CSNK1G1: variants seen among roughly 807,000 people sequenced by gnomAD.
The protein encoded by CSNK1G1 is casein kinase I isoform gamma-1.
Under a neutral mutation model 59.6 loss-of-function variants are expected in CSNK1G1, and 22 were observed. That is an observed-to-expected ratio of 0.37 (90% confidence interval 0.26 to 0.53). The LOEUF (loss-of-function observed/expected upper bound fraction) is 0.53, where lower values mean the gene tolerates loss of function less well. Among genes scored for constraint, CSNK1G1 ranks in the 20% least tolerant of loss-of-function variants. The pLI is 0.89. For synonymous variants in CSNK1G1, 179 were observed against 177.1 expected (o/e 1.01, Z -0.08); for missense variants, 384 against 519.5 (o/e 0.74, Z 2.54).
intron 10 of CSNK1G1, among the ~76,000 whole-genome samples, chr15:64,184,455 T>A (rs1275164246): frequency 6.6e-6 from 1 of 151,990 alleles, no homozygotes; most frequent in East Asian, 1.9e-4. Context: ...GACAGGTGGA[T>A]TGCCTGAGCT....
rs559484271 is a variant in CSNK1G1, at chr15:64,278,663, G to A, written c.182-19422C>T. Among the ~76,000 whole-genome samples, 43 of 152,090 alleles carry A rather than the reference G, an allele frequency of 2.8e-4. 1 individual carries two copies. The highest frequency in any genetic ancestry group is 1.0e-3 in the African/African-American group (42 of 41,512). ...AAGCTGGTGTCGAACTCCTGACCTC[G>A]TGATCTGCCCGCCTTGGCCTCCCAA... On this transcript the variant is annotated intron_variant, in intron 2 of 11. Coordinates refer to ENST00000303052, the MANE Select transcript of CSNK1G1 (RefSeq NM_022048.5).
chr15:64,190,056 G>A (rs1049515773), intron 10 of CSNK1G1, among the ~76,000 whole-genome samples: 7 of 152,160 alleles, frequency 4.6e-5, no homozygotes, highest in Admixed American at 2.0e-4. Flanking sequence ...TCCTGACCTC[G>A]TGATCCGCCT....
chr15:64,203,275 A>G, intron 9 of CSNK1G1, 86 bp from the exon 10 acceptor site: 1 of 842,092 alleles, frequency 1.2e-6, no homozygotes, highest in Non-Finnish European at 2.0e-6. Flanking sequence ...TAATTCTAAT[A>G]GAGTAGTAGT....
intron 4 of CSNK1G1, among the ~76,000 whole-genome samples, chr15:64,221,993 A>ATTTG (rs1164915344): frequency 1.4e-4 from 21 of 152,150 alleles, no homozygotes; most frequent in Admixed American, 5.2e-4. Context: ...TTACTGCAGC[A>ATTTG]CTATTTACAA....
chr15:64,283,544 G>A (rs1041875368), intron 2 of CSNK1G1, among the ~76,000 whole-genome samples: 3 of 151,764 alleles, frequency 2.0e-5, no homozygotes, highest in African/African-American at 7.3e-5. Flanking sequence ...GTTTCACCAT[G>A]TTGGCCAGGC....
Position 64,300,520 on chromosome 15 carries a change from C to G in CSNK1G1, c.-21G>C, listed in dbSNP as rs767149814. On this transcript the variant is annotated 5_prime_UTR_variant, in exon 2 of 12. Transcript: ENST00000303052. The stretch of plus-strand genomic sequence containing the variant: ...TCCATGATCCTACAGGACAGAGTCT[C>G]CTATAGTACAGCAAGTAGCTTCAGT... 1 of 1,604,230 alleles carries G rather than the reference C, an allele frequency of 6.2e-7. No individual in the cohort carries two copies. Among genetic ancestry groups the G allele is most frequent in the East Asian group, 2.2e-5 (1 of 44,742 alleles).
intron 1 of CSNK1G1, among the ~76,000 whole-genome samples, chr15:64,308,301 AT>A (rs201781625): frequency 0.02 from 3,097 of 152,036 alleles, 116 homozygotes; most frequent in African/African-American, 0.071. Context: ...GTCTCACTAT[AT>A]TGCCCAGGTT....
At chr15:64,174,426 A>C (rs1053476253) in intron 11 of CSNK1G1, among the ~76,000 whole-genome samples, 3 of 152,226 alleles carry the variant, frequency 2.0e-5, no homozygotes, top group Admixed American at 2.0e-4. Flanking sequence ...CAGGCCCCAC[A>C]ATCTGTTCTT....
At chr15:64,354,230 T>C (rs1898502970) in intron 1 of CSNK1G1, among the ~76,000 whole-genome samples, 1 of 151,968 alleles carries the variant, frequency 6.6e-6, no homozygotes, top group Non-Finnish European at 1.5e-5. Context: ...GCTTGAATCC[T>C]GGAGGTAGAG....
chr15:64,187,358 AT>A (rs371229586), intron 10 of CSNK1G1, among the ~76,000 whole-genome samples: 6,937 of 144,912 alleles, frequency 0.048, 158 homozygotes, highest in South Asian at 0.081. Flanking sequence ...GGCCTGGCTA[AT>A]TTTTTTTTTT....
At chr15:64,236,541 T>G (rs547952175) in intron 4 of CSNK1G1, among the ~76,000 whole-genome samples, 1 of 152,300 alleles carries the variant, frequency 6.6e-6, no homozygotes, top group African/African-American at 2.4e-5. Context: ...TATTAAAAAA[T>G]GTTCAACATT....
At chr15:64,205,123 T>C (rs1208544502) in intron 7 of CSNK1G1, among the ~76,000 whole-genome samples, 174 bp from the exon 8 acceptor site, 16 of 152,248 alleles carry the variant, frequency 1.1e-4, no homozygotes, top group African/African-American at 9.6e-5. Flanking sequence ...TTTAGATATA[T>C]ACAAACATCT....
At chr15:64,346,911 A>T (rs1898010078) in intron 1 of CSNK1G1, among the ~76,000 whole-genome samples, 1 of 152,244 alleles carries the variant, frequency 6.6e-6, no homozygotes, top group Non-Finnish European at 1.5e-5. Context: ...CAAAAAATAT[A>T]TCTGATTAAG....
intron 10 of CSNK1G1, chr15:64,194,256 C>T (rs2082009998): frequency 6.6e-6 from 1 of 152,062 alleles, no homozygotes; most frequent in Non-Finnish European, 1.5e-5. Context: ...TCTGCGCAAA[C>T]TTAGCCCCTT....
intron 2 of CSNK1G1, among the ~76,000 whole-genome samples, chr15:64,290,936 A>T (rs1413929272): frequency 6.6e-6 from 1 of 151,666 alleles, no homozygotes; most frequent in Non-Finnish European, 1.5e-5. Context: ...CTGGTCTCCA[A>T]CTCCTGACCT....
chr15:64,176,352 G>A lies in CSNK1G1; in HGVS notation c.1214+3996C>T, dbSNP rs139472009. 7.4e-4 allele frequency: 296 copies of A among 397,980 alleles called. No individual in the cohort carries two copies. Among genetic ancestry groups the A allele is most frequent in the African/African-American group, 5.7e-3 (276 of 48,730 alleles). 24.7% of individuals were successfully genotyped at this position (397,980 alleles called of 1,614,324 possible). ...AGAAAGAGAGAGATATTAGTCCACA[G>A]AGGTGAAATGGAAGCGACTCCCTGT... On this transcript the variant is annotated intron_variant, in intron 11 of 11. Transcript: ENST00000303052. This position sits in a 1 kb window ranked among gnomAD's most constrained non-coding sequence, Gnocchi z 5.2.
At chr15:64,182,175 T>C (rs1345898909) in intron 10 of CSNK1G1, among the ~76,000 whole-genome samples, 1 of 149,320 alleles carries the variant, frequency 6.7e-6, no homozygotes, top group Non-Finnish European at 1.5e-5. Flanking sequence ...GCGGTTCTCC[T>C]GCCTCAGTCT....
chr15:64,173,077 T>C (rs2081694715), intron 11 of CSNK1G1, among the ~76,000 whole-genome samples: 1 of 152,236 alleles, frequency 6.6e-6, no homozygotes, highest in Non-Finnish European at 1.5e-5. Flanking sequence ...TCAGACTTGC[T>C]AGATCCTTGA....
intron 2 of CSNK1G1, among the ~76,000 whole-genome samples, chr15:64,266,336 A>G (rs1331177091): frequency 1.3e-5 from 2 of 152,092 alleles, no homozygotes; most frequent in Non-Finnish European, 2.9e-5. Flanking sequence ...TTGGCCTCCC[A>G]AAGTGCTGGG....
Sources: gnomAD v4.1 joint callset for allele counts (sites outside exome capture counted in the v4.1 genomes callset) on GRCh38, gnomAD v4.1.1 for gene constraint, Gnocchi (gnomAD v3.1) non-coding constraint, MANE v1.5 for transcripts, NCBI Gene and HGNC (gene_info 2026-07-23, HGNC 2026-07-21) for gene names.